Variants in HDAC9 observed in about 807,000 individuals in gnomAD.
HDAC9 encodes MEF-2 interacting transcription repressor (MITR) protein.
Under a neutral mutation model 139.4 loss-of-function variants are expected in HDAC9, and 41 were observed. The observed-to-expected ratio is 0.29, with a 90% CI of 0.23 to 0.38. The LOEUF is 0.38. HDAC9 is among the 10% of genes least tolerant of loss of function. HDAC9 has a pLI of 1.00. For missense variants in HDAC9, 1,147 were observed against 1,297.0 expected, an observed-to-expected ratio of 0.88 and a Z score of 1.78; for synonymous variants, 517 against 476.2, an observed-to-expected ratio of 1.09 and a Z score of -1.12.
At chr7:18,424,109 T>C (rs551699217) in intron 1 of HDAC9, among the ~76,000 whole-genome samples, 35 of 152,350 alleles carry the variant, frequency 2.3e-4, no homozygotes, top group African/African-American at 8.2e-4. Flanking sequence ...TTTGGAGCTA[T>C]GACATTCCAC....
intron 2 of HDAC9, among the ~76,000 whole-genome samples, chr7:18,270,621 A>C (rs1042332803): frequency 6.6e-6 from 1 of 152,194 alleles, no homozygotes; most frequent in African/African-American, 2.4e-5. Context: ...TCTGTTTTTA[A>C]TATGTATGTA....
At chr7:18,735,165 A>G (rs1786766270) in intron 13 of HDAC9, among the ~76,000 whole-genome samples, 1 of 152,008 alleles carries the variant, frequency 6.6e-6, no homozygotes, top group Non-Finnish European at 1.5e-5. Flanking sequence ...AGATTGCAAA[A>G]TTTTTCTCCA....
intron 24 of HDAC9, among the ~76,000 whole-genome samples, chr7:18,970,804 A>G (rs1023635407): frequency 1.7e-4 from 20 of 118,788 alleles, no homozygotes; most frequent in Non-Finnish European, 3.4e-4. Context: ...TCAAATGGAA[A>G]AAAGGTAAAA....
At chr7:18,174,657 A>AGG (rs1322930224) in intron 2 of HDAC9, among the ~76,000 whole-genome samples, 1 of 150,780 alleles carries the variant, frequency 6.6e-6, no homozygotes, top group Non-Finnish European at 1.5e-5. Context: ...CTTTCTGTTG[A>AGG]TGTTGATGCT....
intron 2 of HDAC9, among the ~76,000 whole-genome samples, chr7:18,203,982 G>A (rs1238270455): frequency 1.3e-5 from 2 of 152,118 alleles, no homozygotes; most frequent in African/African-American, 2.4e-5. Context: ...GAAAGCTCAT[G>A]CATACTGAAG....
chr7:18,578,497 C>T (rs1266669956), intron 2 of HDAC9, among the ~76,000 whole-genome samples: 1 of 152,166 alleles, frequency 6.6e-6, no homozygotes, highest in East Asian at 1.9e-4. Context: ...GGCCTGTCCC[C>T]AGTCCCTCAT....
At chr7:18,122,574 T>C (rs1784422186) in intron 1 of HDAC9, among the ~76,000 whole-genome samples, 2 of 152,200 alleles carry the variant, frequency 1.3e-5, no homozygotes, top group African/African-American at 4.8e-5. Flanking sequence ...GTTGGTTGAC[T>C]CGAACACAGA....
chr7:18,213,571 C>A (rs752745841), intron 2 of HDAC9, among the ~76,000 whole-genome samples: 2 of 152,128 alleles, frequency 1.3e-5, no homozygotes, highest in Non-Finnish European at 2.9e-5. Context: ...TTTTCATCAG[C>A]TGAGGACTGC....
chr7:18,349,823 C>T (rs1414070912), intron 1 of HDAC9, among the ~76,000 whole-genome samples: 1 of 152,006 alleles, frequency 6.6e-6, no homozygotes, highest in East Asian at 1.9e-4. Flanking sequence ...GGAAAGATCC[C>T]TTACTCAAAT....
Position 18,835,976 on chromosome 7 carries a change from T to C in HDAC9, c.2663T>C (p.Val888Ala). ...TGGLDPPMGD[V>A]EYLEAFRTIV... The stretch of plus-strand genomic sequence containing the variant: ...GGCCTTGATCCTCCCATGGGAGATG[T>C]TGAGTACCTTGAAGCATTCAGGTTG... Residue 888 changes from valine (V) to alanine (A), a missense_variant, in exon 21 of 26, where the codon GTT becomes GCT. By Grantham distance (64) the Val-to-Ala change is moderately conservative. Coordinates refer to ENST00000686413, the MANE Select transcript of HDAC9 (RefSeq NM_178425.4). 2 of 1,561,960 alleles carry C rather than the reference T, an allele frequency of 1.3e-6. No homozygotes were observed. Among genetic ancestry groups the C allele is most frequent in the Non-Finnish European group, 1.7e-6 (2 of 1,150,792 alleles).
intron 1 of HDAC9, among the ~76,000 whole-genome samples, chr7:18,451,310 C>A (rs949769922): frequency 2.0e-5 from 3 of 150,454 alleles, no homozygotes; most frequent in Non-Finnish European, 4.4e-5. Context: ...TATAAATTAC[C>A]CAGTCTAAGA....
intron 2 of HDAC9, among the ~76,000 whole-genome samples, chr7:18,220,764 T>C (rs1792641478): frequency 6.6e-6 from 1 of 152,154 alleles, no homozygotes; most frequent in African/African-American, 2.4e-5. Flanking sequence ...GACTTTAATG[T>C]AGCAGTGATG....
intron 23 of HDAC9, among the ~76,000 whole-genome samples, chr7:18,952,318 C>G (rs1269297734): frequency 2.0e-5 from 3 of 151,808 alleles, no homozygotes; most frequent in South Asian, 2.1e-4. Context: ...TAAAATAGCC[C>G]AGACCTCAGT....
chr7:18,646,469 T>C (rs905803129), intron 9 of HDAC9, among the ~76,000 whole-genome samples: 1 of 152,146 alleles, frequency 6.6e-6, no homozygotes, highest in African/African-American at 2.4e-5. Flanking sequence ...ATTTTTCAAG[T>C]TTAGCATTGC....
At chr7:18,502,432 A>G (rs2128159538) in intron 2 of HDAC9, 1 of 152,336 alleles carries the variant, frequency 6.6e-6, no homozygotes, top group South Asian at 2.1e-4. Context: ...ACCAAGAAGC[A>G]GGAGGAATAG....
At chr7:18,391,291 A>G (rs1235791643) in intron 1 of HDAC9, among the ~76,000 whole-genome samples, 1 of 152,062 alleles carries the variant, frequency 6.6e-6, no homozygotes, top group Admixed American at 6.5e-5. Context: ...AGGCTGAGGC[A>G]GGAGAATCAC....
In HDAC9 at chr7:18,966,305, A is replaced by G. The variant is rs529107625; in HGVS notation, c.3023-9501A>G. 1.4e-4 allele frequency among the ~76,000 whole-genome samples: 21 copies of G among 152,264 alleles called. No individual in the cohort carries two copies. The East Asian group carries it at 4.1e-3, about 29-fold the overall frequency. On this transcript the variant is annotated intron_variant, in intron 24 of 25. Transcript: ENST00000686413. ...GTTGTAAATGACATTTAAATTTCTG[A>G]TCTGGGAGTTAAAGGAAGAAATACT... is the stretch of plus-strand genomic sequence containing the variant.
intron 17 of HDAC9, among the ~76,000 whole-genome samples, chr7:18,825,698 T>TTA (rs1303460584): frequency 4.7e-5 from 7 of 149,290 alleles, no homozygotes; most frequent in Admixed American, 3.4e-4. Flanking sequence ...GACAAAGATT[T>TTA]TATATATATA....
At position 18,674,935 on chromosome 7, in the gene HDAC9, G is replaced by T. The variant is rs1039117909; in HGVS notation, c.1731+8459G>T. On this transcript the variant is annotated intron_variant, in intron 12 of 25. Transcript: ENST00000686413. ...ATTTTTATAATTTATATTTGTATATGAATTATTGACTATGACTTCTAATAT... is the reference window on the plus strand; with the variant it reads ...ATTTTTATAATTTATATTTGTATATTAATTATTGACTATGACTTCTAATAT... 2.0e-5 allele frequency among the ~76,000 whole-genome samples: 3 copies of T among 151,772 alleles called. No individual in the cohort carries two copies. In the East Asian group the frequency reaches 5.8e-4, roughly 29 times the overall value.
Sources: gnomAD v4.1 joint callset for allele counts (sites outside exome capture counted in the v4.1 genomes callset) on GRCh38, gnomAD v4.1.1 for gene constraint, MANE v1.5 for transcripts, NCBI Gene and HGNC (gene_info 2026-07-23, HGNC 2026-07-21) for gene names.